The following CLSTN2 variants were observed in gnomAD, a reference collection of about 807,000 sequenced individuals.
The protein encoded by CLSTN2 is calsyntenin-2.
A neutral mutation model predicts 101.2 loss-of-function variants in CLSTN2; 48 were observed. The observed-to-expected ratio is 0.47, with a 90% confidence interval of 0.38 to 0.60. CLSTN2 has a LOEUF of 0.60. Ranked by LOEUF, CLSTN2 falls within the 20% of genes least tolerant of loss-of-function variation. The pLI is 0.00. For synonymous variants in CLSTN2, 481 were observed against 463.6 expected (o/e 1.04, Z -0.48); for missense variants, 1,160 against 1,238.2 (o/e 0.94, Z 0.95).
intron 2 of CLSTN2, among the ~76,000 whole-genome samples, chr3:140,376,806 A>G (rs976359898): frequency 6.6e-6 from 1 of 152,188 alleles, no homozygotes; most frequent in Non-Finnish European, 1.5e-5. Flanking sequence ...AAGAATAAGG[A>G]AAGGTCCACA....
At chr3:140,507,331 A>T (rs1934704524) in intron 8 of CLSTN2, 1 of 152,202 alleles carries the variant, frequency 6.6e-6, no homozygotes. Flanking sequence ...CTCTCCTGAG[A>T]TCACGCAGTC....
intron 1 of CLSTN2, among the ~76,000 whole-genome samples, chr3:140,035,466 G>T (rs1028550791): frequency 6.6e-6 from 1 of 152,188 alleles, no homozygotes; most frequent in Non-Finnish European, 1.5e-5. Context: ...AGCACAAAAG[G>T]CAAAAGAGCA....
intron 10 of CLSTN2, among the ~76,000 whole-genome samples, chr3:140,553,502 G>A (rs1470645995): frequency 6.6e-6 from 1 of 152,162 alleles, no homozygotes; most frequent in African/African-American, 2.4e-5. Flanking sequence ...TATGACCTTG[G>A]GGAAGTGAGA....
intron 2 of CLSTN2, among the ~76,000 whole-genome samples, chr3:140,205,627 C>CCCCCCA (rs1156442987): frequency 9.0e-6 from 1 of 111,516 alleles, no homozygotes; most frequent in Non-Finnish European, 1.9e-5. Flanking sequence ...CGCCCCCCAC[C>CCCCCCA]CACACACACA....
rs748433483 is a variant in CLSTN2 at position 140,558,841 on chromosome 3, G to C, written c.2025G>C (p.Gly675=). 6.2e-7 allele frequency: 1 copy of C among 1,613,800 alleles called. No individual in the cohort carries two copies. Among genetic ancestry groups the C allele is most frequent in the Admixed American group, 1.7e-5 (1 of 60,014 alleles). The part of the protein sequence containing the change: ...VSTFAKTEAP[G]DVKTTDPKSE... ...CCTTCGCCAAAACCGAAGCCCCCGG[G>C]GACGTGAAAACCACAGGTACAGGTG... The change falls in exon 12 of 17, where the codon GGG becomes GGC. Residue 675 remains glycine, a synonymous_variant. Transcript: ENST00000458420.
chr3:140,114,640 A>T (rs2009210694), intron 1 of CLSTN2, among the ~76,000 whole-genome samples: 1 of 152,082 alleles, frequency 6.6e-6, no homozygotes, highest in Admixed American at 6.6e-5. Flanking sequence ...TCAAATGGCT[A>T]CTGCACACTG....
chr3:140,473,025 C>T (rs1933889308), intron 8 of CLSTN2, among the ~76,000 whole-genome samples: 2 of 152,242 alleles, frequency 1.3e-5, no homozygotes, highest in Admixed American at 1.3e-4. Context: ...CTCAGACCCA[C>T]ATGGGACATC....
intron 1 of CLSTN2, among the ~76,000 whole-genome samples, chr3:140,027,067 T>A (rs940475030): frequency 2.0e-5 from 3 of 152,208 alleles, no homozygotes; most frequent in Non-Finnish European, 4.4e-5. Context: ...AATAGAACTT[T>A]GAAAGACCTT....
At position 140,356,793 on chromosome 3, in the gene CLSTN2, C is replaced by T. The variant is rs567353294; in HGVS notation, c.233-46836C>T. ...AAAAAAAAGAAAGAAAAATTCCAAACATACAGAACATACAGTTCTAAATTT... is the reference window on the plus strand; with the variant it reads ...AAAAAAAAGAAAGAAAAATTCCAAATATACAGAACATACAGTTCTAAATTT... On this transcript the variant is annotated intron_variant, in intron 2 of 16. Transcript: ENST00000458420. Among the ~76,000 whole-genome samples, 4 of 143,090 alleles carry T rather than the reference C, an allele frequency of 2.8e-5. No individual in the cohort carries two copies. The South Asian group carries it at 9.1e-4, about 33-fold the overall frequency. The allele number at this position is 143,090 out of a possible 152,430, so 93.9% of individuals were successfully genotyped here. A position where few individuals can be genotyped will look rare whatever the true frequency, so the allele number is the denominator to read the frequency against.
At chr3:140,412,984 A>C (rs975882217) in intron 4 of CLSTN2, among the ~76,000 whole-genome samples, 3 of 152,212 alleles carry the variant, frequency 2.0e-5, no homozygotes, top group Non-Finnish European at 2.9e-5. Context: ...TTATACGTCA[A>C]GGAACTAGAA....
intron 8 of CLSTN2, among the ~76,000 whole-genome samples, chr3:140,509,633 C>T (rs567430565): frequency 3.8e-4 from 54 of 142,030 alleles, no homozygotes; most frequent in African/African-American, 1.1e-3. Flanking sequence ...GTGAACATTT[C>T]CCTGAGTAAT....
At position 140,032,397 on chromosome 3, in the gene CLSTN2, G is replaced by A. The variant is rs556727365; in HGVS notation, c.109+96914G>A. 6.7e-5 allele frequency among the ~76,000 whole-genome samples: 10 copies of A among 148,810 alleles called. No homozygotes were observed. In the East Asian group the frequency reaches 1.8e-3, roughly 27 times the overall value. ...GTTGCCTAGGCTGGAGTGCAGTGGC[G>A]TGATCTTGGCTCACTGCAACCTCCA... is the stretch of plus-strand genomic sequence containing the variant. On this transcript the variant is annotated intron_variant, in intron 1 of 16. Coordinates refer to ENST00000458420, the MANE Select transcript of CLSTN2 (RefSeq NM_022131.3).
In CLSTN2 at chr3:140,489,939, T is replaced by C. The variant is rs542941730; in HGVS notation, c.1344+23208T>C. 6.8e-5 allele frequency among the ~76,000 whole-genome samples: 10 copies of C among 147,736 alleles called. No individual in the cohort carries two copies. The South Asian group carries it at 8.9e-4, about 13-fold the overall frequency. On this transcript the variant is annotated intron_variant, in intron 8 of 16. Coordinates refer to ENST00000458420, the MANE Select transcript of CLSTN2 (RefSeq NM_022131.3). ...TAGGGTCCCGGACAGGTACAGGTCG[T>C]TAGTCTATAGGAGTGAGCAGCCCAG...
intron 1 of CLSTN2, among the ~76,000 whole-genome samples, chr3:139,978,661 T>C (rs1935863301): frequency 1.7e-5 from 1 of 57,890 alleles, no homozygotes; most frequent in Non-Finnish European, 4.5e-5. Flanking sequence ...TGTGTGTGTG[T>C]GTGTGTGTGT....
chr3:140,290,880 C>A (rs1486721870), intron 2 of CLSTN2, among the ~76,000 whole-genome samples: 1 of 152,154 alleles, frequency 6.6e-6, no homozygotes, highest in Non-Finnish European at 1.5e-5. Flanking sequence ...TCATGCCTTT[C>A]AGGGCTAATT....
chr3:140,540,869 T>TG (rs1257147652), intron 9 of CLSTN2, among the ~76,000 whole-genome samples: 1 of 152,238 alleles, frequency 6.6e-6, no homozygotes, highest in Non-Finnish European at 1.5e-5. Flanking sequence ...GAAAGGAATC[T>TG]GGGGGAATGA....
At position 140,524,121 on chromosome 3, in the gene CLSTN2, G is replaced by C. The variant is rs149690428; in HGVS notation, c.1345-8203G>C. On this transcript the variant is annotated intron_variant, in intron 8 of 16. Transcript: ENST00000458420. ...AATTCAAAAGCAATGGCAGTATTCT[G>C]GCTTGGATAACAGATTGCATGAGGG... Among the ~76,000 whole-genome samples, 1,178 of 152,322 alleles carry C rather than the reference G, an allele frequency of 7.7e-3. 7 individuals are homozygous for C. The highest frequency in any genetic ancestry group is 0.017 in the Middle Eastern group (5 of 294).
intron 5 of CLSTN2, among the ~76,000 whole-genome samples, chr3:140,442,116 T>C (rs911174525): frequency 6.6e-6 from 1 of 152,180 alleles, no homozygotes; most frequent in African/African-American, 2.4e-5. Context: ...TCTGATGTTT[T>C]GACATCTGGG....
intron 2 of CLSTN2, among the ~76,000 whole-genome samples, chr3:140,196,559 T>G (rs2010645816): frequency 6.6e-6 from 1 of 152,224 alleles, no homozygotes; most frequent in Non-Finnish European, 1.5e-5. Flanking sequence ...TGACCCTTGC[T>G]GGTCATCAGG....
Sources: gnomAD v4.1 joint callset for allele counts (sites outside exome capture counted in the v4.1 genomes callset) on GRCh38, gnomAD v4.1.1 for gene constraint, MANE v1.5 for transcripts, NCBI Gene and HGNC (gene_info 2026-07-23, HGNC 2026-07-21) for gene names.